Variants in ST6GALNAC3 observed in about 807,000 individuals in gnomAD.
ST6GALNAC3 encodes the protein ST6 N-acetylgalactosaminide alpha-2,6-sialyltransferase 3, also known as alpha-N-acetylgalactosaminide alpha-2,6-sialyltransferase 3.
Under a neutral mutation model 32.7 loss-of-function variants are expected in ST6GALNAC3, and 25 were observed. The observed-to-expected ratio is 0.76, with a 90% confidence interval of 0.56 to 1.07. The LOEUF (loss-of-function observed/expected upper bound fraction) is 1.07, where lower values mean the gene tolerates loss of function less well. ST6GALNAC3 is among the 50% of genes least tolerant of loss of function. The probability of loss-of-function intolerance (pLI) is 0.00; values close to 1 mark genes in which losing one functional copy is unlikely to be tolerated. For missense variants in ST6GALNAC3, 355 were observed against 382.4 expected (o/e 0.93, Z 0.60); for synonymous variants, 129 against 133.1 (o/e 0.97, Z 0.21).
At chr1:76,215,269 G>A (rs1244723986) in intron 1 of ST6GALNAC3, among the ~76,000 whole-genome samples, 1 of 152,164 alleles carries the variant, frequency 6.6e-6, no homozygotes, top group Non-Finnish European at 1.5e-5. Flanking sequence ...AATTGACAGA[G>A]GACATGTAGT....
chr1:76,294,475 C>A (rs895716705), intron 1 of ST6GALNAC3, among the ~76,000 whole-genome samples: 5 of 151,894 alleles, frequency 3.3e-5, no homozygotes, highest in African/African-American at 7.3e-5. Flanking sequence ...CACTTCTAAT[C>A]AAAAAATAAA....
chr1:76,431,765 G>C (rs894266235), intron 3 of ST6GALNAC3, among the ~76,000 whole-genome samples: 1 of 151,964 alleles, frequency 6.6e-6, no homozygotes, highest in Admixed American at 6.6e-5. Flanking sequence ...ACTGTCTCTC[G>C]CATTATTAAC....
At chr1:76,126,647 G>C (rs1185416555) in intron 1 of ST6GALNAC3, among the ~76,000 whole-genome samples, 2 of 152,138 alleles carry the variant, frequency 1.3e-5, no homozygotes, top group African/African-American at 4.8e-5. Context: ...TTTGGATTCA[G>C]AGCCATAAGT....
chr1:76,389,425 G>A lies in ST6GALNAC3; in HGVS notation c.214-22583G>A, dbSNP rs1359855848. ...ATGGAACAGAAGCCTTGTTGATTTG[G>A]GGGTTAACACAAGTAGTGAAGCAGT... On this transcript the variant is annotated intron_variant, in intron 2 of 4. Transcript: ENST00000328299. Among the ~76,000 whole-genome samples the A allele has an allele frequency of 3.3e-5, 5 of 152,244 alleles. No homozygotes were observed. The East Asian group carries it at 9.7e-4, about 29-fold the overall frequency.
intron 3 of ST6GALNAC3, among the ~76,000 whole-genome samples, chr1:76,540,386 A>G (rs1251298492): frequency 1.3e-5 from 2 of 151,862 alleles, no homozygotes; most frequent in African/African-American, 2.4e-5. Flanking sequence ...GGGAACTTAG[A>G]GGACGGATCA....
At position 76,339,595 on chromosome 1, in the gene ST6GALNAC3, T is replaced by A. The variant is rs140964981; in HGVS notation, c.213+25596T>A. On this transcript the variant is annotated intron_variant, in intron 2 of 4. Transcript: ENST00000328299. Reference sequence around the variant, plus strand: ...AGGAAGGCATTTTTCCTTTTGAATGTCCCACTATAAAATAGGGCTTTATCC... The same window carrying A: ...AGGAAGGCATTTTTCCTTTTGAATGACCCACTATAAAATAGGGCTTTATCC... Among the ~76,000 whole-genome samples, 52 of 152,326 alleles carry A rather than the reference T, an allele frequency of 3.4e-4. No individual in the cohort carries two copies. The East Asian group carries it at 9.7e-3, about 28-fold the overall frequency.
In ST6GALNAC3 at chr1:76,169,780, T is replaced by C. The variant is rs548233823; in HGVS notation, c.18+94896T>C. On this transcript the variant is annotated intron_variant, in intron 1 of 4. Coordinates refer to ENST00000328299, the MANE Select transcript of ST6GALNAC3 (RefSeq NM_152996.4). ...TACTTGTGTTTGCATTATGAAATTCTTGTAGTGTGTTTTTCAGCTCTGTCA... is the reference window on the plus strand; with the variant it reads ...TACTTGTGTTTGCATTATGAAATTCCTGTAGTGTGTTTTTCAGCTCTGTCA... 9.2e-5 allele frequency among the ~76,000 whole-genome samples: 14 copies of C among 152,340 alleles called. 2 individuals are homozygous for C. In the South Asian group the frequency reaches 1.7e-3, roughly 18 times the overall value.
intron 1 of ST6GALNAC3, among the ~76,000 whole-genome samples, chr1:76,092,125 A>T (rs1647055428): frequency 6.6e-6 from 1 of 152,254 alleles, no homozygotes; most frequent in South Asian, 2.1e-4. Flanking sequence ...AGAATGGTAC[A>T]AGTGGAAACA....
At chr1:76,503,942 C>T (rs1661327208) in intron 3 of ST6GALNAC3, among the ~76,000 whole-genome samples, 1 of 152,162 alleles carries the variant, frequency 6.6e-6, no homozygotes, top group South Asian at 2.1e-4. Context: ...CCCAGGCAAC[C>T]ACAAACTTTT....
Position 76,296,052 on chromosome 1 carries a change from A to G in ST6GALNAC3, c.19-17753A>G, listed in dbSNP as rs144170258. On this transcript the variant is annotated intron_variant, in intron 1 of 4. Transcript: ENST00000328299. ...GGGGTGGTGTGTTCTGAACGTTTTT[A>G]TGCATCTTATTTCTTTCAATCCTCA... Among the ~76,000 whole-genome samples the G allele has an allele frequency of 2.0e-3, 299 of 152,120 alleles. 3 individuals carry two copies. Among genetic ancestry groups the G allele is most frequent in the Non-Finnish European group, 1.8e-3 (125 of 67,932 alleles).
chr1:76,475,243 G>A (rs1023961389), intron 3 of ST6GALNAC3, among the ~76,000 whole-genome samples: 6 of 152,092 alleles, frequency 3.9e-5, no homozygotes, highest in African/African-American at 9.7e-5. Context: ...GTAGTGTAGC[G>A]GCTTACGCTC....
chr1:76,214,128 C>G lies in ST6GALNAC3; in HGVS notation c.19-99677C>G, dbSNP rs577290775. Among the ~76,000 whole-genome samples the G allele has an allele frequency of 3.6e-3, 544 of 152,070 alleles. 5 individuals are homozygous for G. The highest frequency in any genetic ancestry group is 0.013 in the African/African-American group (529 of 41,490). On this transcript the variant is annotated intron_variant, in intron 1 of 4. Coordinates refer to ENST00000328299, the MANE Select transcript of ST6GALNAC3 (RefSeq NM_152996.4). Reference sequence around the variant, plus strand: ...TAGATTCCTCCCTAGCCGCACAGCCCAATATGGCAGCCACTACTCATATGT... The same window carrying G: ...TAGATTCCTCCCTAGCCGCACAGCCGAATATGGCAGCCACTACTCATATGT...
In ST6GALNAC3 at chr1:76,631,055, G is replaced by C; in HGVS notation, c.*2249G>C. On this transcript the variant is annotated 3_prime_UTR_variant, in exon 5 of 5. Transcript: ENST00000328299. Reference sequence around the variant, plus strand: ...ATGAGAAACATTTGAAAACTTGCTTGCTCTCCTGCCTCGTTGTAGCTTTCT... The same window carrying C: ...ATGAGAAACATTTGAAAACTTGCTTCCTCTCCTGCCTCGTTGTAGCTTTCT... 1.0e-6 allele frequency: 1 copy of C among 984,536 alleles called. No homozygotes were observed. Among genetic ancestry groups the C allele is most frequent in the Non-Finnish European group, 1.2e-6 (1 of 829,072 alleles). The allele number at this position is 984,536 out of a possible 1,614,324, so 61.0% of individuals were successfully genotyped here. A position where few individuals can be genotyped will look rare whatever the true frequency, so the allele number is the denominator to read the frequency against.
At chr1:76,122,473 A>G (rs938077989) in intron 1 of ST6GALNAC3, among the ~76,000 whole-genome samples, 1 of 152,166 alleles carries the variant, frequency 6.6e-6, no homozygotes, top group East Asian at 1.9e-4. Context: ...GCCAATGAAG[A>G]GCCGTCCACT....
chr1:76,460,959 C>A (rs889144889), intron 3 of ST6GALNAC3, among the ~76,000 whole-genome samples: 6 of 152,102 alleles, frequency 3.9e-5, no homozygotes. Context: ...GCAGATTTTA[C>A]AATGGTTGGT....
intron 1 of ST6GALNAC3, among the ~76,000 whole-genome samples, chr1:76,147,142 G>A (rs1032829509): frequency 2.0e-5 from 3 of 147,476 alleles, no homozygotes; most frequent in South Asian, 2.1e-4. Flanking sequence ...GGCCCACTAC[G>A]ACCTCTGCCT....
intron 1 of ST6GALNAC3, among the ~76,000 whole-genome samples, chr1:76,217,808 G>T (rs1287422922): frequency 6.6e-6 from 1 of 152,164 alleles, no homozygotes; most frequent in Non-Finnish European, 1.5e-5. Flanking sequence ...TAGAATAGTA[G>T]TCTCCAGTTC....
At chr1:76,512,986 G>A (rs1162910134) in intron 3 of ST6GALNAC3, among the ~76,000 whole-genome samples, 1 of 130,538 alleles carries the variant, frequency 7.7e-6, no homozygotes, top group African/African-American at 2.7e-5. Flanking sequence ...TAGGTATATT[G>A]GGTTTTTTTT....
intron 2 of ST6GALNAC3, among the ~76,000 whole-genome samples, chr1:76,381,298 A>G (rs1651697999): frequency 6.6e-6 from 1 of 152,102 alleles, no homozygotes; most frequent in African/African-American, 2.4e-5. Context: ...CAGTATTACC[A>G]TCCTTGCTTT....
Sources: gnomAD v4.1 joint callset for allele counts (sites outside exome capture counted in the v4.1 genomes callset) on GRCh38, gnomAD v4.1.1 for gene constraint, MANE v1.5 for transcripts, NCBI Gene and HGNC (gene_info 2026-07-23, HGNC 2026-07-21) for gene names.